SORCS1: variants seen among roughly 807,000 people sequenced by gnomAD.
SORCS1 encodes the protein VPS10 domain-containing receptor SorCS1.
A neutral mutation model predicts 146.1 loss-of-function variants in SORCS1; 60 were observed. The ratio of observed to expected loss-of-function variants is 0.41; its 90% CI spans 0.33 to 0.51. The LOEUF (loss-of-function observed/expected upper bound fraction) is 0.51, where lower values mean the gene tolerates loss of function less well. Among genes scored for constraint, SORCS1 ranks in the 20% least tolerant of loss-of-function variants. The probability of loss-of-function intolerance (pLI) is 0.21; values close to 1 mark genes in which losing one functional copy is unlikely to be tolerated. For missense variants in SORCS1, 1,352 were observed against 1,487.6 expected, an observed-to-expected ratio of 0.91 and a Z score of 1.50; for synonymous variants, 637 against 584.0, an observed-to-expected ratio of 1.09 and a Z score of -1.31.
At chr10:107,166,924 T>C (rs1970063904), upstream of SORCS1, among the ~76,000 whole-genome samples, 1 of 152,370 alleles carries the variant, frequency 6.6e-6, no homozygotes, top group Admixed American at 6.5e-5. Context: ...GGTTTCAAAA[T>C]GGAAGCGCTT....
Position 106,679,301 on chromosome 10 carries a change from G to A in SORCS1, c.1695C>T (p.Asp565=), listed in dbSNP as rs777386265. The A allele has an allele frequency of 1.2e-6, 2 of 1,613,258 alleles. No homozygotes were observed. The highest frequency in any genetic ancestry group is 1.7e-6 in the Non-Finnish European group (2 of 1,179,560). ...GNIGSELSDT[D]ISMFVSSDAG... ...CATCTGAAGAGACAAACATGCTGAT[G>A]TCAGTGTCTGACAATTCAGAACCTA... is the stretch of plus-strand genomic sequence containing the variant. The change falls in exon 12 of 26, where the codon GAC becomes GAT. Residue 565 remains aspartate, a synonymous_variant. Transcript: ENST00000263054.
intron 5 of SORCS1, among the ~76,000 whole-genome samples, chr10:106,736,056 C>G (rs749352297): frequency 1.3e-5 from 2 of 152,190 alleles, no homozygotes; most frequent in African/African-American, 4.8e-5. Context: ...AAACAAATCA[C>G]ACTCTGAAAT....
chr10:106,813,134 T>TC (rs1947559246), intron 3 of SORCS1, among the ~76,000 whole-genome samples: 1 of 140,062 alleles, frequency 7.1e-6, no homozygotes, highest in African/African-American at 2.7e-5. Context: ...TTTTCTTTTT[T>TC]TTTTTTTTTT....
At chr10:106,704,583 G>A (rs760907334) in intron 8 of SORCS1, among the ~76,000 whole-genome samples, 6 of 152,100 alleles carry the variant, frequency 3.9e-5, no homozygotes, top group African/African-American at 4.8e-5. Context: ...CCAGCTACTC[G>A]GGAGGCTGAG....
chr10:107,040,663 C>A (rs1402840781), intron 1 of SORCS1, among the ~76,000 whole-genome samples: 1 of 152,162 alleles, frequency 6.6e-6, no homozygotes, highest in African/African-American at 2.4e-5. Context: ...TATCAGCATG[C>A]ATCTCATAAA....
chr10:106,911,455 AT>A (rs376576278), intron 2 of SORCS1, among the ~76,000 whole-genome samples: 97 of 149,612 alleles, frequency 6.5e-4, no homozygotes, highest in East Asian at 5.7e-3. Context: ...TAAATTTCAT[AT>A]TTTTTTTTTC....
chr10:106,948,201 T>A (rs1367114973), intron 2 of SORCS1, among the ~76,000 whole-genome samples: 4 of 151,618 alleles, frequency 2.6e-5, no homozygotes, highest in African/African-American at 9.7e-5. Context: ...CACAAAGATA[T>A]GAAGAGAAAA....
intron 1 of SORCS1, among the ~76,000 whole-genome samples, chr10:107,049,356 A>G (rs1221832186): frequency 1.3e-5 from 2 of 151,454 alleles, no homozygotes; most frequent in Admixed American, 6.6e-5. Context: ...CCAGCATGGC[A>G]CATGTATACA....
At chr10:107,117,671 GTT>G (rs1192635498) in intron 1 of SORCS1, among the ~76,000 whole-genome samples, 1 of 152,154 alleles carries the variant, frequency 6.6e-6, no homozygotes, top group Non-Finnish European at 1.5e-5. Flanking sequence ...ATCTCATGAA[GTT>G]TGCCTTGTAG....
intron 1 of SORCS1, among the ~76,000 whole-genome samples, chr10:107,115,703 A>G (rs977872947): frequency 6.6e-6 from 1 of 152,120 alleles, no homozygotes; most frequent in Non-Finnish European, 1.5e-5. Context: ...GATTTTTTGG[A>G]TATGACAACA....
chr10:106,611,447 T>C (rs999238101), intron 22 of SORCS1, among the ~76,000 whole-genome samples: 1 of 152,224 alleles, frequency 6.6e-6, no homozygotes, highest in Non-Finnish European at 1.5e-5. Context: ...ATATACTGAA[T>C]GCTCACTGCA....
intron 2 of SORCS1, among the ~76,000 whole-genome samples, chr10:106,934,197 T>C (rs1429317048): frequency 1.3e-5 from 2 of 152,000 alleles, no homozygotes; most frequent in African/African-American, 2.4e-5. Flanking sequence ...ACACTGCTTA[T>C]GGGAATGTAA....
intron 1 of SORCS1, among the ~76,000 whole-genome samples, chr10:107,110,219 A>C (rs1965599304): frequency 6.6e-6 from 1 of 152,110 alleles, no homozygotes; most frequent in South Asian, 2.1e-4. Context: ...CCAGTTTCAA[A>C]GTTGCTTCTA....
chr10:107,019,370 C>A (rs1325259022), intron 1 of SORCS1, among the ~76,000 whole-genome samples: 2 of 152,172 alleles, frequency 1.3e-5, no homozygotes, highest in Admixed American at 1.3e-4. Context: ...ACCATGTACT[C>A]TGGCTCAGCA....
intron 1 of SORCS1, among the ~76,000 whole-genome samples, chr10:107,143,463 G>A (rs1228016570): frequency 1.3e-5 from 2 of 152,050 alleles, no homozygotes; most frequent in African/African-American, 4.8e-5. Flanking sequence ...AAGTAGCTGG[G>A]ACTACAGACG....
chr10:106,665,736 T>C (rs1430211791), intron 17 of SORCS1, among the ~76,000 whole-genome samples: 1 of 152,192 alleles, frequency 6.6e-6, no homozygotes, highest in Admixed American at 6.5e-5. Flanking sequence ...CCTAAATATA[T>C]AATTCTTTAA....
At chr10:106,852,501 G>A (rs750170142) in intron 2 of SORCS1, among the ~76,000 whole-genome samples, 30 of 151,660 alleles carry the variant, frequency 2.0e-4, no homozygotes, top group Admixed American at 5.9e-4. Context: ...GGTGTTGCAC[G>A]CCTGTAGTCC....
At chr10:106,661,088 C>T (rs1850692686) in intron 17 of SORCS1, among the ~76,000 whole-genome samples, 1 of 152,102 alleles carries the variant, frequency 6.6e-6, no homozygotes, top group Admixed American at 6.5e-5. Context: ...CTCCCCGGTT[C>T]CAAAACAGTA....
Position 106,743,544 on chromosome 10 carries a change from C to T in SORCS1, c.960-13430G>A, listed in dbSNP as rs1031726854. 3.9e-5 allele frequency among the ~76,000 whole-genome samples: 6 copies of T among 152,170 alleles called. 1 individual carries two copies. Among genetic ancestry groups the T allele is most frequent in the Admixed American group, 3.9e-4 (6 of 15,284 alleles). On this transcript the variant is annotated intron_variant, in intron 5 of 25. Transcript: ENST00000263054. The stretch of plus-strand genomic sequence containing the variant: ...GGTTCAAGTGATTCTCCTGCCTCAG[C>T]CTCCTGAGTAGCTGGAACTACAGGT...
Sources: allele counts gnomAD v4.1 joint callset (sites outside exome capture counted in the v4.1 genomes callset), GRCh38; gene constraint gnomAD v4.1.1; transcripts MANE v1.5; gene names NCBI Gene and HGNC (gene_info 2026-07-23, HGNC 2026-07-21).